PDE1C: variants seen among roughly 807,000 people sequenced by gnomAD.
PDE1C encodes the protein phosphodiesterase 1C, also known as dual specificity calcium/calmodulin-dependent 3',5'-cyclic nucleotide phosphodiesterase 1C.
Under a neutral mutation model 93.1 loss-of-function variants are expected in PDE1C, and 62 were observed. The ratio of observed to expected loss-of-function variants is 0.67; its 90% CI spans 0.54 to 0.82. PDE1C has a LOEUF of 0.82. PDE1C is among the 40% of genes least tolerant of loss of function. The probability of loss-of-function intolerance (pLI) is 0.00; values close to 1 mark genes in which losing one functional copy is unlikely to be tolerated. For synonymous variants in PDE1C, 325 were observed against 310.1 expected, an observed-to-expected ratio of 1.05 and a Z score of -0.50; for missense variants, 742 against 884.6, an observed-to-expected ratio of 0.84 and a Z score of 2.04.
At chr7:32,332,133 A>G (rs933614894) in intron 1 of PDE1C, among the ~76,000 whole-genome samples, 1 of 152,238 alleles carries the variant, frequency 6.6e-6, no homozygotes, top group Non-Finnish European at 1.5e-5. Context: ...TTTTCTATAT[A>G]TTGTATAGAA....
chr7:32,114,490 T>C (rs920464210), intron 3 of PDE1C, among the ~76,000 whole-genome samples: 3 of 152,082 alleles, frequency 2.0e-5, no homozygotes, highest in African/African-American at 7.2e-5. Flanking sequence ...AAGACTTAAA[T>C]GTAAAGCCCA....
At chr7:31,916,818 C>A (rs1387567180) in intron 2 of PDE1C, among the ~76,000 whole-genome samples, 1 of 152,118 alleles carries the variant, frequency 6.6e-6, no homozygotes, top group East Asian at 1.9e-4. Flanking sequence ...ATCAGATCAC[C>A]TATCATGACA....
At chr7:32,349,259 G>T (rs1288057115) in intron 1 of PDE1C, among the ~76,000 whole-genome samples, 1 of 152,150 alleles carries the variant, frequency 6.6e-6, no homozygotes, top group Non-Finnish European at 1.5e-5. Context: ...CCAAGCCCTG[G>T]GCCCTGGCAG....
intron 10 of PDE1C, 94 bp from the exon 11 acceptor site, chr7:31,837,394 G>T: frequency 8.2e-7 from 1 of 1,222,992 alleles, no homozygotes; most frequent in Non-Finnish European, 1.1e-6. Flanking sequence ...AATCTCTTTT[G>T]TTCTTCCATC....
chr7:31,656,494 G>A, the PDE1C span: 1 of 982,002 alleles, frequency 1.0e-6, no homozygotes, highest in Non-Finnish European at 1.2e-6. Flanking sequence ...CTCAATAAAT[G>A]CTAACTGTAA....
intron 1 of PDE1C, among the ~76,000 whole-genome samples, chr7:32,272,411 C>G (rs1444508738): frequency 5.3e-5 from 8 of 152,210 alleles, no homozygotes; most frequent in Non-Finnish European, 1.2e-4. Context: ...AAAGTGACGT[C>G]TCATTGAACT....
chr7:32,147,307 AG>A (rs1244648429), intron 3 of PDE1C, among the ~76,000 whole-genome samples: 51 of 145,500 alleles, frequency 3.5e-4, no homozygotes, highest in African/African-American at 1.2e-3. Flanking sequence ...AAAGAAAGAA[AG>A]AAAGAAAGAA....
rs1583434113 is a variant in PDE1C at position 32,419,950 on chromosome 7, C to T, written c.310+7872G>A. ...TGTAAAAATGGGGTAATAGGCTGGG[C>T]ATGGTGGCTCACACCTGTAATCCCA... On this transcript the variant is annotated intron_variant, in intron 1 of 1. Coordinates refer to the PDE1C transcript ENST00000672256. Among the ~76,000 whole-genome samples the T allele has an allele frequency of 3.3e-5, 5 of 150,142 alleles. No individual in the cohort carries two copies. The South Asian group carries it at 1.1e-3, about 32-fold the overall frequency.
At chr7:31,999,872 G>A (rs1438720509) in intron 2 of PDE1C, among the ~76,000 whole-genome samples, 1 of 152,162 alleles carries the variant, frequency 6.6e-6, no homozygotes, top group Non-Finnish European at 1.5e-5. Flanking sequence ...GGCTGTTGCT[G>A]GGGGAGAAAA....
the PDE1C span, among the ~76,000 whole-genome samples, chr7:31,660,047 CT>C: frequency 1.6e-4 from 25 of 151,994 alleles, no homozygotes; most frequent in African/African-American, 2.2e-4. Flanking sequence ...GCATTTCCCC[CT>C]TTTTTTTTGG....
intron 1 of PDE1C, among the ~76,000 whole-genome samples, chr7:32,291,789 G>A (rs1361883973): frequency 6.6e-6 from 1 of 152,194 alleles, no homozygotes; most frequent in Non-Finnish European, 1.5e-5. Context: ...GAGAAGGCCA[G>A]GGTCAAGACT....
chr7:32,041,913 C>A (rs1442766991), intron 2 of PDE1C, among the ~76,000 whole-genome samples: 1 of 152,074 alleles, frequency 6.6e-6, no homozygotes, highest in Non-Finnish European at 1.5e-5. Context: ...AAATGAACTA[C>A]CAAAGGCAGA....
chr7:31,715,201 T>C, the PDE1C span, among the ~76,000 whole-genome samples: 4 of 152,062 alleles, frequency 2.6e-5, no homozygotes, highest in Admixed American at 1.3e-4. Flanking sequence ...ATTGTTATTA[T>C]TGTAATAGCA....
the PDE1C span, among the ~76,000 whole-genome samples, chr7:31,725,792 A>T: frequency 2.6e-5 from 4 of 152,174 alleles, no homozygotes; most frequent in African/African-American, 9.6e-5. Flanking sequence ...AAAGTTTTTT[A>T]AAAAGGATGG....
intron 2 of PDE1C, among the ~76,000 whole-genome samples, chr7:31,986,929 A>AACACACACAC (rs10551724): frequency 2.0e-5 from 3 of 149,790 alleles, no homozygotes; most frequent in African/African-American, 7.4e-5. Context: ...ATTGAACACG[A>AACACACACAC]ACACACACAC....
At chr7:31,655,300 CTCAG>C in the PDE1C span, among the ~76,000 whole-genome samples, 2 of 152,176 alleles carry the variant, frequency 1.3e-5, no homozygotes, top group African/African-American at 2.4e-5. Flanking sequence ...ACCCTGCCCC[CTCAG>C]TCAGTCAATG....
intron 2 of PDE1C, among the ~76,000 whole-genome samples, chr7:31,958,091 T>C (rs1808404968): frequency 6.6e-6 from 1 of 152,242 alleles, no homozygotes; most frequent in South Asian, 2.1e-4. Flanking sequence ...ACAGCTAACA[T>C]TACATAAAAA....
At chr7:31,629,901 G>A in the PDE1C span, among the ~76,000 whole-genome samples, 1 of 152,276 alleles carries the variant, frequency 6.6e-6, no homozygotes, top group African/African-American at 2.4e-5. Flanking sequence ...TGCTTAAAAG[G>A]ACAGGTAAGG....
intron 1 of PDE1C, among the ~76,000 whole-genome samples, chr7:32,425,132 AT>A (rs1445145687): frequency 2.0e-5 from 3 of 151,728 alleles, no homozygotes; most frequent in Non-Finnish European, 4.4e-5. Flanking sequence ...ATATATATAT[AT>A]TCATATATAT....
Sources: gnomAD v4.1 joint callset for allele counts (sites outside exome capture counted in the v4.1 genomes callset) on GRCh38, gnomAD v4.1.1 for gene constraint, MANE v1.5 for transcripts, NCBI Gene and HGNC (gene_info 2026-07-23, HGNC 2026-07-21) for gene names.